FMNL2: variants seen among roughly 807,000 people sequenced by gnomAD.
FMNL2 encodes formin-like protein 2.
A neutral mutation model predicts 130.2 loss-of-function variants in FMNL2; 51 were observed. The observed-to-expected ratio is 0.39, with a 90% confidence interval of 0.31 to 0.49. The LOEUF (loss-of-function observed/expected upper bound fraction) is 0.49. Ranked by LOEUF, FMNL2 falls within the 20% of genes least tolerant of loss-of-function variation. FMNL2 has a pLI of 0.85. For synonymous variants in FMNL2, 465 were observed against 467.1 expected (o/e 1.00, Z 0.06); for missense variants, 977 against 1,316.2 (o/e 0.74, Z 3.99).
chr2:152,585,808 T>G (rs1391249750), intron 9 of FMNL2, among the ~76,000 whole-genome samples: 4 of 152,166 alleles, frequency 2.6e-5, no homozygotes, highest in Non-Finnish European at 5.9e-5. Context: ...CTTGAAGTCT[T>G]CAACCTAGCT....
intron 1 of FMNL2, among the ~76,000 whole-genome samples, chr2:152,452,266 T>A (rs1450096416): frequency 6.6e-6 from 1 of 152,180 alleles, no homozygotes; most frequent in African/African-American, 2.4e-5. Context: ...AAATTAGATT[T>A]TCAGGAATAT....
intron 1 of FMNL2, among the ~76,000 whole-genome samples, chr2:152,444,330 C>T (rs1688225177): frequency 6.6e-6 from 1 of 152,056 alleles, no homozygotes; most frequent in African/African-American, 2.4e-5. Context: ...AGGAGACCAC[C>T]GCCCAGACCC....
Position 152,383,958 on chromosome 2 carries a change from T to A in FMNL2, c.117+48238T>A, listed in dbSNP as rs572052863. On this transcript the variant is annotated intron_variant, in intron 1 of 25. Transcript: ENST00000288670. ...GCTACCATATGTTATACAGATCTCA[T>A]CCCTTACATTTCTAGAGTTGTACTG... Among the ~76,000 whole-genome samples the A allele has an allele frequency of 6.4e-4, 98 of 152,326 alleles. 1 individual carries two copies. Among genetic ancestry groups the A allele is most frequent in the African/African-American group, 2.2e-3 (93 of 41,572 alleles).
intron 1 of FMNL2, among the ~76,000 whole-genome samples, chr2:152,377,752 A>T (rs1456383759): frequency 1.3e-5 from 2 of 152,216 alleles, no homozygotes; most frequent in East Asian, 3.9e-4. Flanking sequence ...GCATCCCATT[A>T]CTTGGGATTG....
At chr2:152,381,810 C>CTTTTTTTTT (rs3047878) in intron 1 of FMNL2, among the ~76,000 whole-genome samples, 2 of 149,916 alleles carry the variant, frequency 1.3e-5, no homozygotes, top group Non-Finnish European at 1.5e-5. Flanking sequence ...CAAAGCAGAA[C>CTTTTTTTTT]TTTTTTTTTT....
chr2:152,553,809 A>G (rs1310962228), intron 4 of FMNL2, among the ~76,000 whole-genome samples: 5 of 152,088 alleles, frequency 3.3e-5, no homozygotes, highest in African/African-American at 1.2e-4. Flanking sequence ...AAATCCAAAA[A>G]AAAATTGGTG....
intron 1 of FMNL2, among the ~76,000 whole-genome samples, chr2:152,497,571 T>G (rs983591749): frequency 7.2e-5 from 11 of 152,184 alleles, no homozygotes. Flanking sequence ...CTGTCCTCTT[T>G]CTGTAGATAA....
intron 1 of FMNL2, among the ~76,000 whole-genome samples, chr2:152,360,019 G>C (rs1281462426): frequency 1.3e-5 from 2 of 152,208 alleles, no homozygotes; most frequent in African/African-American, 4.8e-5. Flanking sequence ...AGTTGGGAAA[G>C]TGACATCCTT....
chr2:152,494,336 A>G (rs1691377770), intron 1 of FMNL2, among the ~76,000 whole-genome samples: 1 of 152,230 alleles, frequency 6.6e-6, no homozygotes, highest in Non-Finnish European at 1.5e-5. Context: ...TCTTTTCAGT[A>G]ACTTGGGACA....
chr2:152,587,467 C>G (rs1212707004), intron 9 of FMNL2, among the ~76,000 whole-genome samples: 1 of 152,214 alleles, frequency 6.6e-6, no homozygotes, highest in African/African-American at 2.4e-5. Flanking sequence ...TTCATTTTCT[C>G]CCTCTTCTTT....
chr2:152,607,531 A>G lies in FMNL2; in HGVS notation c.951+118A>G, dbSNP rs187865680. The G allele has an allele frequency of 5.4e-6, 4 of 738,664 alleles. No homozygotes were observed. In the East Asian group the frequency reaches 1.1e-4, roughly 20 times the overall value. The allele number at this position is 738,664 out of a possible 1,614,324, so 45.8% of individuals were successfully genotyped here. On this transcript the variant is annotated intron_variant, in intron 10 of 25. Transcript: ENST00000288670. ...CATATTTATATTACAAAGGACAGGG[A>G]ATTGCAATTAATATGCTATAGATCC...
At chr2:152,610,573 G>A (rs1160515190) in intron 10 of FMNL2, among the ~76,000 whole-genome samples, 2 of 152,068 alleles carry the variant, frequency 1.3e-5, no homozygotes, top group Admixed American at 6.5e-5. Flanking sequence ...TTCTATAACG[G>A]GTTTTTATCA....
rs537430127 is a variant in FMNL2, at chr2:152,407,434, C to T, written c.117+71714C>T. On this transcript the variant is annotated intron_variant, in intron 1 of 25. Transcript: ENST00000288670. ...CTGCCTTTCTGCCGACTCCTGACAG[C>T]GCCTCCCTTCAGGGGTGTGGGTGGA... is the stretch of plus-strand genomic sequence containing the variant. Among the ~76,000 whole-genome samples, 8 of 152,164 alleles carry T rather than the reference C, an allele frequency of 5.3e-5. No individual in the cohort carries two copies. In the East Asian group the frequency reaches 1.2e-3, roughly 22 times the overall value.
At chr2:152,633,085 C>T (rs1176453299) in intron 21 of FMNL2, among the ~76,000 whole-genome samples, 1 of 151,382 alleles carries the variant, frequency 6.6e-6, no homozygotes, top group Non-Finnish European at 1.5e-5. Context: ...ATGTCCATTG[C>T]AATCTGTGCT....
intron 1 of FMNL2, among the ~76,000 whole-genome samples, chr2:152,517,115 G>A (rs553430991): frequency 1.3e-5 from 2 of 152,224 alleles, no homozygotes; most frequent in South Asian, 2.1e-4. Context: ...ATTGTATGTG[G>A]CAGAAGACGC....
chr2:152,573,200 G>A (rs534461312), intron 6 of FMNL2, among the ~76,000 whole-genome samples: 4 of 152,332 alleles, frequency 2.6e-5, no homozygotes, highest in Non-Finnish European at 4.4e-5. Context: ...TGTTCTGTAA[G>A]AGATGCCTAT....
chr2:152,607,558 A>G, intron 10 of FMNL2, 145 bp downstream of exon 10: 1 of 618,156 alleles, frequency 1.6e-6, no homozygotes. Context: ...TATAGATCCA[A>G]TCTAGAATGT....
chr2:152,379,235 G>A (rs1393676456), intron 1 of FMNL2, among the ~76,000 whole-genome samples: 2 of 152,112 alleles, frequency 1.3e-5, no homozygotes, highest in African/African-American at 4.8e-5. Flanking sequence ...TCCTGCTTTA[G>A]GACAGGTGCT....
At chr2:152,450,031 G>T (rs181056940) in intron 1 of FMNL2, among the ~76,000 whole-genome samples, 1 of 151,930 alleles carries the variant, frequency 6.6e-6, no homozygotes, top group Non-Finnish European at 1.5e-5. Flanking sequence ...TGTAACAACG[G>T]CTCCTTCTGT....
Sources: allele counts gnomAD v4.1 joint callset (sites outside exome capture counted in the v4.1 genomes callset), GRCh38; gene constraint gnomAD v4.1.1; transcripts MANE v1.5; gene names NCBI Gene and HGNC (gene_info 2026-07-23, HGNC 2026-07-21).